Variants in KANK1 observed in about 807,000 individuals in gnomAD.
KANK1 encodes the protein KN motif and ankyrin repeat domains 1.
In KANK1, 109 loss-of-function variants were observed where a neutral mutation model predicts 106.2. The observed-to-expected ratio is 1.03, with a 90% confidence interval of 0.88 to 1.20. The LOEUF (loss-of-function observed/expected upper bound fraction) is 1.20. Ranked by LOEUF, KANK1 falls within the 50% of genes most tolerant of loss-of-function variation. The pLI, the probability that KANK1 is intolerant of heterozygous loss-of-function variation, is 0.00. For missense variants in KANK1, 2,399 were observed against 1,710.7 expected (o/e 1.40, Z -7.10); for synonymous variants, 873 against 652.2 (o/e 1.34, Z -5.16).
intron 1 of KANK1, among the ~76,000 whole-genome samples, chr9:561,849 G>A (rs1216162826): frequency 1.3e-5 from 2 of 152,192 alleles, no homozygotes; most frequent in African/African-American, 2.4e-5. Context: ...CTGTAACAGA[G>A]AAAATACTGC....
chr9:581,473 CAAT>C (rs1813535152), intron 1 of KANK1, among the ~76,000 whole-genome samples: 1 of 152,106 alleles, frequency 6.6e-6, no homozygotes. Context: ...TGATGGAAGT[CAAT>C]GATGTTGAAC....
chr9:652,055 G>A (rs369393099), intron 1 of KANK1, among the ~76,000 whole-genome samples: 2 of 152,108 alleles, frequency 1.3e-5, no homozygotes, highest in Admixed American at 6.5e-5. Context: ...ATTAATACCT[G>A]CTTTTTGAAG....
At chr9:491,873 C>A (rs7860166) in intron 3 of KANK1, among the ~76,000 whole-genome samples, 44,275 of 151,984 alleles carry the variant, frequency 0.29, 12,279 homozygotes, top group African/African-American at 0.72. Context: ...TGATGGTTTT[C>A]AAAATGGGAG....
At chr9:677,139 C>T (rs964201446) in intron 2 of KANK1, 130 bp downstream of exon 2, 2 of 805,502 alleles carry the variant, frequency 2.5e-6, no homozygotes, top group Non-Finnish European at 3.9e-6. Flanking sequence ...AATTTTCTGT[C>T]CATTGAAGTT....
chr9:697,030 A>C (rs1444279716), intron 2 of KANK1, among the ~76,000 whole-genome samples: 32 of 152,136 alleles, frequency 2.1e-4, no homozygotes, highest in Admixed American at 2.1e-3. Context: ...TTCCTCACCC[A>C]GACTCAGATT....
chr9:512,142 C>T (rs1489194181), intron 1 of KANK1, among the ~76,000 whole-genome samples: 1 of 152,134 alleles, frequency 6.6e-6, no homozygotes. Flanking sequence ...ATGGTGACTT[C>T]AGCATGGTGG....
At position 516,401 on chromosome 9, in the gene KANK1, GT is replaced by G. The variant is rs573448986; in HGVS notation, c.-84+11649del. On this transcript the variant is annotated intron_variant, in intron 1 of 11. Transcript: ENST00000382297. The stretch of plus-strand genomic sequence containing the variant: ...AGTTTCTCAGCTCTGGCATGAAACA[GT>G]TGGGAGAAGCGATTCAAATAACTGC... Among the ~76,000 whole-genome samples, 383 of 151,876 alleles carry G rather than the reference GT, an allele frequency of 2.5e-3. 3 individuals carry two copies. The highest frequency in any genetic ancestry group is 4.5e-3 in the Non-Finnish European group (309 of 68,032).
At chr9:729,078 G>C (rs757372191) in intron 3 of KANK1, among the ~76,000 whole-genome samples, 4 of 152,124 alleles carry the variant, frequency 2.6e-5, no homozygotes, top group Non-Finnish European at 4.4e-5. Context: ...TTTTTACAGA[G>C]TTTGACTCTT....
At chr9:709,804 G>T (rs1386624685) in intron 2 of KANK1, among the ~76,000 whole-genome samples, 1 of 151,914 alleles carries the variant, frequency 6.6e-6, no homozygotes, top group Non-Finnish European at 1.5e-5. Context: ...TAGTAGGGAC[G>T]AGGTTTTACC....
At chr9:549,921 A>C (rs2061170423) in intron 1 of KANK1, among the ~76,000 whole-genome samples, 1 of 152,118 alleles carries the variant, frequency 6.6e-6, no homozygotes, top group African/African-American at 2.4e-5. Context: ...TGGCACGCAC[A>C]AAGTCCTGGG....
chr9:708,561 C>A (rs1824977463), intron 2 of KANK1, among the ~76,000 whole-genome samples: 1 of 152,140 alleles, frequency 6.6e-6, no homozygotes, highest in African/African-American at 2.4e-5. Flanking sequence ...CCTTTTTATT[C>A]CTCTGCTTGG....
chr9:730,982 C>A, intron 4 of KANK1, 176 bp from the exon 5 acceptor site: 1 of 404,422 alleles, frequency 2.5e-6, no homozygotes. Context: ...ATTAATGGAA[C>A]TTTGAATTAT....
intron 1 of KANK1, among the ~76,000 whole-genome samples, chr9:512,301 G>A (rs1319499305): frequency 6.6e-6 from 1 of 151,804 alleles, no homozygotes; most frequent in Admixed American, 6.6e-5. Context: ...GACTTATTCA[G>A]TTTGGAGGCG....
upstream of KANK1, chr9:504,651 T>G (rs1422579721): frequency 1.3e-5 from 2 of 151,148 alleles, no homozygotes; most frequent in East Asian, 2.0e-4. Context: ...TTCTGGCGCT[T>G]GCCAGCCGGG....
intron 1 of KANK1, among the ~76,000 whole-genome samples, chr9:654,124 T>A (rs1188236158): frequency 1.3e-5 from 2 of 152,124 alleles, no homozygotes; most frequent in African/African-American, 2.4e-5. Flanking sequence ...AAGATGTAAG[T>A]TTTGAAAATG....
chr9:553,318 G>T (rs1435909679), intron 1 of KANK1, among the ~76,000 whole-genome samples: 1 of 152,162 alleles, frequency 6.6e-6, no homozygotes, highest in African/African-American at 2.4e-5. Context: ...TAAAATTACT[G>T]TGGAGCATTG....
intron 2 of KANK1, chr9:693,609 C>T (rs1166841528): frequency 6.1e-6 from 6 of 985,236 alleles, no homozygotes; most frequent in South Asian, 4.7e-5. Context: ...AATTAAACCC[C>T]GTGGCCAGCA....
chr9:601,474 C>T (rs1827727508), intron 1 of KANK1, among the ~76,000 whole-genome samples: 1 of 151,812 alleles, frequency 6.6e-6, no homozygotes, highest in African/African-American at 2.4e-5. Context: ...AGATTTGGGG[C>T]TGTCTGATGT....
intron 3 of KANK1, among the ~76,000 whole-genome samples, chr9:725,284 G>GGA (rs1830362559): frequency 6.6e-6 from 1 of 152,076 alleles, no homozygotes; most frequent in Non-Finnish European, 1.5e-5. Flanking sequence ...CTTGAGGTCA[G>GGA]GAGTTTGAGG....
Sources: allele counts gnomAD v4.1 joint callset (sites outside exome capture counted in the v4.1 genomes callset), GRCh38; gene constraint gnomAD v4.1.1; transcripts MANE v1.5; gene names NCBI Gene and HGNC (gene_info 2026-07-23, HGNC 2026-07-21).